Variants in BTBD18 observed in about 807,000 individuals in gnomAD.
BTBD18 encodes the protein BTB/POZ domain-containing protein 18.
For missense variants in BTBD18, 787 were observed against 846.3 expected (o/e 0.93, Z 0.87); for synonymous variants, 311 against 324.4 (o/e 0.96, Z 0.44).
At position 57,745,541 on chromosome 11, in the gene BTBD18, C is replaced by A. The variant is rs913936202; in HGVS notation, c.732G>T (p.Val244=). 19 of 1,550,054 alleles carry A rather than the reference C, an allele frequency of 1.2e-5. No homozygotes were observed. Among genetic ancestry groups the A allele is most frequent in the Non-Finnish European group, 1.7e-5 (19 of 1,146,972 alleles). Residue 244 remains valine (V), a synonymous_variant, in exon 3 of 3, where the codon GTG becomes GTT. Coordinates refer to ENST00000422652, the MANE Select transcript of BTBD18 (RefSeq NM_001145101.3). ...NKNDTALDPT[V]LSPPSLYPSV... ...AGGGGTACAAGCTGGGTGGGGAGAGCACTGTAGGATCAAGGGCAGTGTCAT... is the reference window on the plus strand; with the variant it reads ...AGGGGTACAAGCTGGGTGGGGAGAGAACTGTAGGATCAAGGGCAGTGTCAT...
intron 2 of BTBD18, among the ~76,000 whole-genome samples, chr11:57,746,805 CAAAA>C (rs35274578): frequency 4.2e-5 from 4 of 95,526 alleles, no homozygotes; most frequent in African/African-American, 8.9e-5. Context: ...ACCTTGTCTC[CAAAA>C]AAAAAAAAAA....
Position 57,745,393 on chromosome 11 carries a change from C to T in BTBD18, c.880G>A (p.Gly294Ser). ...CTCCTCTGCCGCCAAAGACGCCGGC[C>T]AGGGGTTGCAGGCACTGAGCTAGAT... is the stretch of plus-strand genomic sequence containing the variant. Reference protein sequence around the residue: ...SGSSSVPATPGRRLWRQRSVN... With the variant: ...SGSSSVPATPSRRLWRQRSVN... Residue 294 changes from glycine (G) to serine (S), a missense_variant, in exon 3 of 3, where the codon GGC becomes AGC. Gly to Ser is a moderately conservative substitution (Grantham distance 56). Transcript: ENST00000422652. The T allele has an allele frequency of 1.3e-6, 2 of 1,551,670 alleles. No homozygotes were observed. The highest frequency in any genetic ancestry group is 1.4e-5 in the African/African-American group (1 of 73,132).
In BTBD18 at chr11:57,745,614, T is replaced by G; in HGVS notation, c.659A>C (p.Lys220Thr). Residue 220 changes from lysine (K) to threonine (T), a missense_variant, in exon 3 of 3, where the codon AAA becomes ACA. Lys to Thr is a moderately conservative substitution (Grantham distance 78, BLOSUM62 -1). Transcript: ENST00000422652. ...KARACPTPQE[K>T]NSSPSSHSQE... ...ACTATGGCTTGATGGTGAAGAGTTT[T>G]TTTCTTGTGGAGTTGGGCAGGCTCT... 2 of 1,551,610 alleles carry G rather than the reference T, an allele frequency of 1.3e-6. No homozygotes were observed. Among genetic ancestry groups the G allele is most frequent in the Non-Finnish European group, 1.7e-6 (2 of 1,146,968 alleles).
Position 57,745,406 on chromosome 11 carries a change from C to A in BTBD18, c.867G>T (p.Val289=). 2 of 1,551,706 alleles carry A rather than the reference C, an allele frequency of 1.3e-6. No homozygotes were observed. The highest frequency in any genetic ancestry group is 1.7e-6 in the Non-Finnish European group (2 of 1,147,002). Reference sequence around the variant, plus strand: ...AAAGACGCCGGCCAGGGGTTGCAGGCACTGAGCTAGATCCACTTAAAATGC... The same window carrying A: ...AAAGACGCCGGCCAGGGGTTGCAGGAACTGAGCTAGATCCACTTAAAATGC... ...PSSILSGSSS[V]PATPGRRLWR... Residue 289 remains valine (V), a synonymous_variant, in exon 3 of 3, where the codon GTG becomes GTT. Transcript: ENST00000422652.
chr11:57,752,472 T>G (rs572790512), upstream of BTBD18, among the ~76,000 whole-genome samples: 2 of 150,228 alleles, frequency 1.3e-5, no homozygotes, highest in Non-Finnish European at 3.0e-5. Flanking sequence ...AGGCAGAGGT[T>G]GTAGATAGAG....
intron 2 of BTBD18, among the ~76,000 whole-genome samples, chr11:57,750,631 A>AG (rs1949287872): frequency 6.6e-6 from 1 of 152,238 alleles, no homozygotes; most frequent in African/African-American, 2.4e-5. Context: ...CAGGAGGTGG[A>AG]GGTTGCAGGT....
At chr11:57,751,006 G>A (rs573273892) in intron 2 of BTBD18, 59 bp downstream of exon 2, 1 of 1,422,510 alleles carries the variant, frequency 7.0e-7, no homozygotes, top group Non-Finnish European at 9.2e-7. Flanking sequence ...CTCTGGCTCT[G>A]AACTCATTTT....
chr11:57,747,939 A>G (rs1949229149), intron 2 of BTBD18, among the ~76,000 whole-genome samples: 1 of 152,198 alleles, frequency 6.6e-6, no homozygotes. Context: ...AGCTGGGACT[A>G]CAAGCATATA....
At chr11:57,747,397 A>C (rs994975408) in intron 2 of BTBD18, among the ~76,000 whole-genome samples, 1 of 152,230 alleles carries the variant, frequency 6.6e-6, no homozygotes, top group African/African-American at 2.4e-5. Flanking sequence ...CTCATTTTCT[A>C]CTTCAAAGTA....
In BTBD18 at chr11:57,744,645, C is replaced by A. The variant is rs781457115; in HGVS notation, c.1628G>T (p.Cys543Phe). 2 of 1,551,566 alleles carry A rather than the reference C, an allele frequency of 1.3e-6. No individual in the cohort carries two copies. Among genetic ancestry groups the A allele is most frequent in the Non-Finnish European group, 1.7e-6 (2 of 1,147,010 alleles). The change falls in exon 3 of 3, where the codon TGT becomes TTT. Residue 543 changes from cysteine to phenylalanine, a missense_variant. Coordinates refer to ENST00000422652, the MANE Select transcript of BTBD18 (RefSeq NM_001145101.3). ...GGGCCAGAGTTCCATGTCTGGTAGACACCATTCTTCCCCTTCAATCCAGTT... is the reference window on the plus strand; with the variant it reads ...GGGCCAGAGTTCCATGTCTGGTAGAAACCATTCTTCCCCTTCAATCCAGTT... Reference protein sequence around the residue: ...GKNWIEGEEWCLPDMELWPRE... With the variant: ...GKNWIEGEEWFLPDMELWPRE...
chr11:57,747,308 G>T (rs936950791), intron 2 of BTBD18, among the ~76,000 whole-genome samples: 3 of 152,182 alleles, frequency 2.0e-5, no homozygotes, highest in Admixed American at 6.5e-5. Flanking sequence ...CAGCTGGCAT[G>T]TCTACATATA....
rs561617168 is a variant in BTBD18 at position 57,744,753 on chromosome 11, A to T, written c.1520T>A (p.Ile507Asn). Residue 507 changes from isoleucine to asparagine, a missense_variant, in exon 3 of 3, where the codon ATT becomes AAT. Coordinates refer to ENST00000422652, the MANE Select transcript of BTBD18 (RefSeq NM_001145101.3). Reference protein sequence around the residue: ...ILDFMLCGSDIEPPIGSLESP... With the variant: ...ILDFMLCGSDNEPPIGSLESP... ...CTCCAGAGACCCTATAGGTGGTTCA[A>T]TGTCTGAGCCACAGAGCATGAAGTC... 6.4e-7 allele frequency: 1 copy of T among 1,551,662 alleles called. No homozygotes were observed. Among genetic ancestry groups the T allele is most frequent in the East Asian group, 2.4e-5 (1 of 40,914 alleles).
In BTBD18 at chr11:57,744,793, G is replaced by T; in HGVS notation, c.1480C>A (p.Leu494Met). The T allele has an allele frequency of 6.4e-7, 1 of 1,551,732 alleles. No individual in the cohort carries two copies. Among genetic ancestry groups the T allele is most frequent in the African/African-American group, 1.4e-5 (1 of 73,160 alleles). ...AGCATGAAGTCCAGGATCTCCTCCA[G>T]CTCACTGGTGGCAGCAGCACTTGTG... ...RITSAAATSE[L>M]EEILDFMLCG... The change falls in exon 3 of 3, where the codon CTG becomes ATG. Residue 494 changes from leucine to methionine, a missense_variant. Physicochemically the swap from Leu to Met is conservative, Grantham distance 15. Coordinates refer to ENST00000422652, the MANE Select transcript of BTBD18 (RefSeq NM_001145101.3).
chr11:57,745,714 C>A lies in BTBD18; in HGVS notation c.559G>T (p.Glu187Ter). The change falls in exon 3 of 3, where the codon GAA becomes TAA. Residue 187 changes from glutamate (E) to a stop codon, truncating the protein, a stop_gained. Coordinates refer to ENST00000422652, the MANE Select transcript of BTBD18 (RefSeq NM_001145101.3). LOFTEE classifies it low-confidence loss of function (END_TRUNC). The part of the protein sequence containing the change: ...GAIRLKSLGK[E>*]EGPQENNRQN... ...CGGTTGTTTTCCTGGGGCCCCTCTT[C>A]CTTCCCCAAGGACTTCAATCTTATT... 6.4e-7 allele frequency: 1 copy of A among 1,551,638 alleles called. No homozygotes were observed. Among genetic ancestry groups the A allele is most frequent in the Non-Finnish European group, 8.7e-7 (1 of 1,146,978 alleles).
At chr11:57,752,592 GC>G (rs1440060525), upstream of BTBD18, among the ~76,000 whole-genome samples, 1 of 152,164 alleles carries the variant, frequency 6.6e-6, no homozygotes, top group Admixed American at 6.5e-5. Flanking sequence ...TGTTGCAAGG[GC>G]CCTGGGGAAG....
Position 57,745,885 on chromosome 11 carries a change from A to C in BTBD18, c.388T>G (p.Leu130Val). The C allele has an allele frequency of 6.4e-7, 1 of 1,551,528 alleles. No homozygotes were observed. Among genetic ancestry groups the C allele is most frequent in the Non-Finnish European group, 8.7e-7 (1 of 1,146,968 alleles). The change falls in exon 3 of 3, where the codon TTG becomes GTG. Residue 130 changes from leucine to valine, a missense_variant. Leu to Val is a conservative substitution (Grantham distance 32). Transcript: ENST00000422652. ...CTTCGGCCCTGTGGGGCCTTCACCA[A>C]CTTTCCACCCTCAAGCTGAAGGGAT... ...LESLQLEGGK[L>V]VKAPQGRRLN...
rs1949170194 is a variant in BTBD18 at position 57,745,395 on chromosome 11, G to A, written c.878C>T (p.Pro293Leu). Reference sequence around the variant, plus strand: ...CCTCTGCCGCCAAAGACGCCGGCCAGGGGTTGCAGGCACTGAGCTAGATCC... The same window carrying A: ...CCTCTGCCGCCAAAGACGCCGGCCAAGGGTTGCAGGCACTGAGCTAGATCC... ...LSGSSSVPAT[P>L]GRRLWRQRSV... Residue 293 changes from proline (P) to leucine (L), a missense_variant, in exon 3 of 3, where the codon CCT (proline) becomes CTT (leucine). Transcript: ENST00000422652. 2 of 1,551,600 alleles carry A rather than the reference G, an allele frequency of 1.3e-6. No individual in the cohort carries two copies. The highest frequency in any genetic ancestry group is 1.7e-6 in the Non-Finnish European group (2 of 1,147,006).
Position 57,745,142 on chromosome 11 carries a change from G to A in BTBD18, c.1131C>T (p.Leu377=). The change falls in exon 3 of 3, where the codon CTC becomes CTT. Residue 377 remains leucine, a synonymous_variant. Transcript: ENST00000422652. ...TCWEVVQETP[L]KNTQDSPQIP... is the part of the protein sequence containing the mutation. The stretch of plus-strand genomic sequence containing the variant: ...TCTGGGGGCTATCTTGAGTGTTTTT[G>A]AGAGGAGTCTCTTGTACCACTTCCC... 1 of 1,551,674 alleles carries A rather than the reference G, an allele frequency of 6.4e-7. No individual in the cohort carries two copies.
At chr11:57,746,491 G>A (rs542596349) in intron 2 of BTBD18, among the ~76,000 whole-genome samples, 3 of 151,854 alleles carry the variant, frequency 2.0e-5, no homozygotes, top group African/African-American at 4.8e-5. Context: ...TGCCACACCC[G>A]GCTAATTTTT....
Sources: gnomAD v4.1 joint callset for allele counts (sites outside exome capture counted in the v4.1 genomes callset) on GRCh38, gnomAD v4.1.1 for gene constraint, MANE v1.5 for transcripts, NCBI Gene and HGNC (gene_info 2026-07-23, HGNC 2026-07-21) for gene names.